Variants in DNAAF4 observed in about 807,000 individuals in gnomAD.
DNAAF4 encodes the protein dynein axonemal assembly factor 4, also known as dynein assembly factor 4, axonemal.
A neutral mutation model predicts 51.8 loss-of-function variants in DNAAF4; 43 were observed. The observed-to-expected ratio is 0.83, with a 90% CI of 0.65 to 1.07. The LOEUF (loss-of-function observed/expected upper bound fraction) is 1.07, where lower values mean the gene tolerates loss of function less well. Among genes scored for constraint, DNAAF4 ranks in the 50% least tolerant of loss-of-function variants. The probability of loss-of-function intolerance (pLI) is 0.00; values close to 1 mark genes in which losing one functional copy is unlikely to be tolerated. For missense variants in DNAAF4, 581 were observed against 493.0 expected (o/e 1.18, Z -1.69); for synonymous variants, 194 against 165.6 (o/e 1.17, Z -1.32).
At chr15:55,426,165 G>A (rs1340971948), downstream of DNAAF4, among the ~76,000 whole-genome samples, 1 of 152,154 alleles carries the variant, frequency 6.6e-6, no homozygotes, top group Non-Finnish European at 1.5e-5. Context: ...AAGATGGGAT[G>A]AGCCAGTTTA....
rs750587912 is a variant in DNAAF4 at position 55,486,194 on chromosome 15, GT to G, written c.405+4928del. Among the ~76,000 whole-genome samples the G allele has an allele frequency of 7.3e-3, 954 of 131,430 alleles. 10 individuals carry two copies. Among genetic ancestry groups the G allele is most frequent in the African/African-American group, 0.025 (815 of 32,282 alleles). The allele number at this position is 131,430 out of a possible 152,430, so 86.2% of individuals were successfully genotyped here. A position where few individuals can be genotyped will look rare whatever the true frequency, so the allele number is the denominator to read the frequency against. On this transcript the variant is annotated intron_variant, in intron 4 of 9. Transcript: ENST00000321149. ...GTTTGTTTGGTTGGTTGGTTGGTTGGTTTTTTTTTTTTTTGGAGATGAAGTT... is the reference window on the plus strand; with the variant it reads ...GTTTGTTTGGTTGGTTGGTTGGTTGGTTTTTTTTTTTTTGGAGATGAAGTT...
At chr15:55,422,911 C>T (rs1339939895) in intron 7 of DNAAF4, among the ~76,000 whole-genome samples, 21 of 152,060 alleles carry the variant, frequency 1.4e-4, no homozygotes, top group Admixed American at 3.9e-4. Context: ...GCAGGAGAAT[C>T]GCTTGAACCC....
Position 55,498,397 on chromosome 15 carries a change from T to TG in DNAAF4, c.-69dup. 6.4e-7 allele frequency: 1 copy of TG among 1,562,024 alleles called. No homozygotes were observed. Among genetic ancestry groups the TG allele is most frequent in the Non-Finnish European group, 8.7e-7 (1 of 1,152,844 alleles). ...GCGCCTGCTTGGTTGCTAGGGAAGC[T>TG]GGGGTTACCATGCGCCAGCCCTTCC... On this transcript the variant is annotated 5_prime_UTR_variant, in exon 2 of 10. An upstream open reading frame in the 5' UTR gains an earlier in-frame stop. Transcript: ENST00000321149.
chr15:55,487,677 C>T (rs1292156997), intron 4 of DNAAF4, among the ~76,000 whole-genome samples: 3 of 151,986 alleles, frequency 2.0e-5, no homozygotes, highest in Non-Finnish European at 4.4e-5. Context: ...CAACTCCGGA[C>T]GCGCCACCAT....
chr15:55,500,537 G>A (rs762466137), intron 1 of DNAAF4, among the ~76,000 whole-genome samples: 1 of 152,132 alleles, frequency 6.6e-6, no homozygotes, highest in Non-Finnish European at 1.5e-5. Flanking sequence ...TTATATGCAT[G>A]AAAGATAATA....
At chr15:55,470,191 A>G (rs1006630183) in intron 4 of DNAAF4, among the ~76,000 whole-genome samples, 2 of 151,838 alleles carry the variant, frequency 1.3e-5, no homozygotes, top group Non-Finnish European at 2.9e-5. Context: ...AGCTGGGTCT[A>G]CAGGCACATA....
chr15:55,432,399 A>T (rs1459566521), intron 9 of DNAAF4, 98 bp downstream of exon 9: 4 of 821,588 alleles, frequency 4.9e-6, no homozygotes, highest in East Asian at 5.4e-5. Context: ...AAAAATATTT[A>T]AAAATGGAGT....
intron 6 of DNAAF4, among the ~76,000 whole-genome samples, chr15:55,441,430 A>C (rs151264999): frequency 3.0e-4 from 45 of 151,828 alleles, no homozygotes; most frequent in African/African-American, 1.1e-3. Context: ...TTTTTTTACT[A>C]TACTTTAAGT....
downstream of DNAAF4, among the ~76,000 whole-genome samples, chr15:55,427,886 C>T (rs1595886273): frequency 1.3e-5 from 2 of 151,178 alleles, no homozygotes; most frequent in Admixed American, 6.6e-5. Flanking sequence ...CCACCCGCCT[C>T]GGCCTCCCAA....
chr15:55,418,482 C>G, intron 7 of DNAAF4: 1 of 1,527,902 alleles, frequency 6.5e-7, no homozygotes, highest in Non-Finnish European at 8.8e-7. Context: ...CATATCAGAG[C>G]AACTGGATTT....
intron 7 of DNAAF4, among the ~76,000 whole-genome samples, chr15:55,420,655 C>T (rs2057381050): frequency 6.6e-6 from 1 of 152,116 alleles, no homozygotes; most frequent in South Asian, 2.1e-4. Flanking sequence ...ATTTTTTTCA[C>T]TTCCTCAAAA....
At chr15:55,430,816 T>G (rs763198206) in intron 9 of DNAAF4, 37 bp from the exon 10 acceptor site, 4 of 1,479,828 alleles carry the variant, frequency 2.7e-6, no homozygotes, top group African/African-American at 1.4e-5. Context: ...ATACAATAAA[T>G]ATTTTATTAG....
intron 6 of DNAAF4, chr15:55,443,105 T>C (rs2141433224): frequency 6.2e-7 from 1 of 1,610,504 alleles, no homozygotes; most frequent in Admixed American, 1.7e-5. Context: ...ATCCTTTCAG[T>C]AGGTGTACGT....
chr15:55,460,187 AT>A (rs112655143), intron 5 of DNAAF4, among the ~76,000 whole-genome samples: 3 of 145,634 alleles, frequency 2.1e-5, no homozygotes, highest in South Asian at 2.1e-4. Context: ...TTATTTATTT[AT>A]TTTTTTTTTT....
intron 5 of DNAAF4, among the ~76,000 whole-genome samples, chr15:55,461,185 C>T (rs1399624248): frequency 6.6e-6 from 1 of 152,110 alleles, no homozygotes; most frequent in East Asian, 1.9e-4. Context: ...TCTCCTGCCT[C>T]AGCCTCCCGA....
At chr15:55,497,978 A>G in intron 2 of DNAAF4, 119 bp from the exon 3 acceptor site, 1 of 1,390,590 alleles carries the variant, frequency 7.2e-7, no homozygotes, top group Non-Finnish European at 9.7e-7. Context: ...TATGCCAGGT[A>G]GTGAAAGATT....
At chr15:55,444,235 G>A (rs1464385675) in intron 6 of DNAAF4, among the ~76,000 whole-genome samples, 1 of 152,178 alleles carries the variant, frequency 6.6e-6, no homozygotes, top group South Asian at 2.1e-4. Flanking sequence ...GTGTAAGGAA[G>A]GGATCCAGTT....
At chr15:55,418,351 C>CT (rs2057356022) in intron 7 of DNAAF4, 1 of 1,539,844 alleles carries the variant, frequency 6.5e-7, no homozygotes, top group Non-Finnish European at 8.8e-7. Context: ...AGACAGCCAC[C>CT]TCACTATCAA....
Position 55,447,969 on chromosome 15 carries a change from G to A in DNAAF4, c.783+2253C>T, listed in dbSNP as rs191422430. 7.9e-3 allele frequency among the ~76,000 whole-genome samples: 1,198 copies of A among 152,254 alleles called. 13 individuals carry two copies. The highest frequency in any genetic ancestry group is 0.024 in the African/African-American group (998 of 41,566). On this transcript the variant is annotated intron_variant, in intron 6 of 9. Coordinates refer to ENST00000321149, the MANE Select transcript of DNAAF4 (RefSeq NM_130810.4). ...TGTGTTGAATAGGAGTGGTGAGAGA[G>A]GGCATCCCTGTCTTGTGCCAGTTTT...
Sources: allele counts gnomAD v4.1 joint callset (sites outside exome capture counted in the v4.1 genomes callset), GRCh38; gene constraint gnomAD v4.1.1; transcripts MANE v1.5; gene names NCBI Gene and HGNC (gene_info 2026-07-23, HGNC 2026-07-21).